ACACB: variants seen among roughly 807,000 people sequenced by gnomAD.
ACACB encodes the protein acetyl-CoA carboxylase 2.
A neutral mutation model predicts 278.8 loss-of-function variants in ACACB; 209 were observed. The ratio of observed to expected loss-of-function variants is 0.75; its 90% confidence interval spans 0.67 to 0.84. ACACB has a LOEUF of 0.84. ACACB is among the 40% of genes least tolerant of loss of function. ACACB has a pLI of 0.00. For synonymous variants in ACACB, 1,174 were observed against 1,285.6 expected, an observed-to-expected ratio of 0.91 and a Z score of 1.86; for missense variants, 2,850 against 3,269.0, an observed-to-expected ratio of 0.87 and a Z score of 3.13.
chr12:109,123,231 G>A (rs7305045), intron 1 of ACACB, among the ~76,000 whole-genome samples: 26,586 of 151,594 alleles, frequency 0.18, 2,436 homozygotes, highest in African/African-American at 0.22. Flanking sequence ...ATTTTACAGT[G>A]GGTGCCCATA....
rs1436610572 is a variant in ACACB, at chr12:109,171,818, G to A, written c.939G>A (p.Met313Ile). 4 of 1,613,774 alleles carry A rather than the reference G, an allele frequency of 2.5e-6. No individual in the cohort carries two copies. Among genetic ancestry groups the A allele is most frequent in the Non-Finnish European group, 3.4e-6 (4 of 1,179,662 alleles). ...DLKANAEYIK[M>I]ADHYVPVPGG... The stretch of plus-strand genomic sequence containing the variant: ...ATTTAATTTCAGAGTACATCAAGAT[G>A]GCGGATCATTACGTCCCCGTCCCAG... The change falls in exon 5 of 53, where the codon ATG becomes ATA. Residue 313 changes from methionine to isoleucine, a missense_variant. Physicochemically the swap from Met to Ile is conservative, Grantham distance 10 (BLOSUM62 1). Coordinates refer to ENST00000338432, the MANE Select transcript of ACACB (RefSeq NM_001093.4).
At chr12:109,117,725 C>G (rs1398704890) in intron 1 of ACACB, among the ~76,000 whole-genome samples, 4 of 152,174 alleles carry the variant, frequency 2.6e-5, no homozygotes, top group African/African-American at 7.2e-5. Flanking sequence ...CCCACTTTGC[C>G]CAGGACCGGG....
chr12:109,216,780 G>GT lies in ACACB; in HGVS notation c.3440-12dup. On this transcript the variant is annotated splice_polypyrimidine_tract_variant and intron_variant, in intron 23 of 52. Coordinates refer to ENST00000338432, the MANE Select transcript of ACACB (RefSeq NM_001093.4). ...AGCCTGAGCTTTACCTCTGTGTGGT[G>GT]TTTTGTCTCCCCCAGCCCACTACGA... The GT allele has an allele frequency of 6.2e-7, 1 of 1,614,114 alleles. No individual in the cohort carries two copies. The highest frequency in any genetic ancestry group is 8.5e-7 in the Non-Finnish European group (1 of 1,179,996).
intron 1 of ACACB, among the ~76,000 whole-genome samples, chr12:109,137,212 T>C (rs547146686): frequency 3.3e-5 from 5 of 152,118 alleles, no homozygotes; most frequent in Non-Finnish European, 7.3e-5. Context: ...AAAAAACCCC[T>C]CTGACCCTGT....
chr12:109,265,448 A>G lies in ACACB; in HGVS notation c.7173A>G (p.Ala2391=). The stretch of plus-strand genomic sequence containing the variant: ...AGTGGCTGGAACAGCACTGGCAGGC[A>G]GGGGATGGCCCGCGCTCCACCATCC... ...VVQWLEQHWQ[A]GDGPRSTIRE... The change falls in exon 52 of 53, where the codon GCA becomes GCG. Residue 2391 remains alanine (A), a synonymous_variant. Coordinates refer to ENST00000338432, the MANE Select transcript of ACACB (RefSeq NM_001093.4). 6.2e-7 allele frequency: 1 copy of G among 1,613,456 alleles called. No individual in the cohort carries two copies. Among genetic ancestry groups the G allele is most frequent in the Non-Finnish European group, 8.5e-7 (1 of 1,179,842 alleles).
intron 1 of ACACB, among the ~76,000 whole-genome samples, chr12:109,123,518 G>A (rs61934261): frequency 4.0e-5 from 6 of 151,286 alleles, no homozygotes; most frequent in Admixed American, 6.6e-5. Flanking sequence ...ATGGAAAAAC[G>A]CCCATCTCTA....
At chr12:109,178,896 C>G (rs2044364268) in intron 9 of ACACB, among the ~76,000 whole-genome samples, 192 bp from the exon 10 acceptor site, 1 of 152,206 alleles carries the variant, frequency 6.6e-6, no homozygotes, top group East Asian at 1.9e-4. Flanking sequence ...CCCCTTTCTC[C>G]TCGTTACTGT....
chr12:109,198,031 G>A (rs1424556945), intron 17 of ACACB, among the ~76,000 whole-genome samples: 1 of 152,028 alleles, frequency 6.6e-6, no homozygotes, highest in African/African-American at 2.4e-5. Context: ...CCAAGTTGCT[G>A]GGACTACGGG....
At position 109,235,191 on chromosome 12, in the gene ACACB, A is replaced by C. The variant is rs143122793; in HGVS notation, c.4348-122A>C. The stretch of plus-strand genomic sequence containing the variant: ...GGAATCAGATCACAGGAGGTCTCTT[A>C]TGATTGACATCTTCCACTTAGCATA... On this transcript the variant is annotated intron_variant, in intron 31 of 52. Coordinates refer to ENST00000338432, the MANE Select transcript of ACACB (RefSeq NM_001093.4). The C allele has an allele frequency of 6.8e-4, 552 of 811,856 alleles. 5 individuals carry two copies. In the African/African-American group the frequency reaches 8.0e-3, roughly 12 times the overall value. 50.3% of individuals were successfully genotyped at this position (811,856 alleles called of 1,614,324 possible).
At chr12:109,265,029 G>A in intron 50 of ACACB, 81 bp from the exon 51 acceptor site, 2 of 1,471,110 alleles carry the variant, frequency 1.4e-6, no homozygotes, top group Non-Finnish European at 1.8e-6. Context: ...GCCCCGGGCA[G>A]CCACTGTCAT....
chr12:109,201,121 A>C (rs1219951599), intron 18 of ACACB, among the ~76,000 whole-genome samples: 1 of 152,268 alleles, frequency 6.6e-6, no homozygotes, highest in Admixed American at 6.5e-5. Flanking sequence ...AAAAGGGCTG[A>C]TGAGCAGATT....
At chr12:109,127,880 C>T (rs2042720217) in intron 1 of ACACB, among the ~76,000 whole-genome samples, 1 of 152,142 alleles carries the variant, frequency 6.6e-6, no homozygotes, top group African/African-American at 2.4e-5. Flanking sequence ...TGTCACGTAT[C>T]TTCTTCAGAT....
At chr12:109,133,849 ATATATATATATATAT>A (rs1181958565) in intron 1 of ACACB, among the ~76,000 whole-genome samples, 1 of 43,980 alleles carries the variant, frequency 2.3e-5, no homozygotes, top group African/African-American at 1.0e-4. Flanking sequence ...ATATATATAT[ATATATATATATATAT>A]TTTTTTTTTT....
chr12:109,232,321 G>C (rs748968988), intron 28 of ACACB, among the ~76,000 whole-genome samples: 55 of 152,118 alleles, frequency 3.6e-4, no homozygotes, highest in Non-Finnish European at 6.2e-4. Flanking sequence ...AGCTGCCTGG[G>C]GCTGGTGGAT....
chr12:109,227,539 A>G (rs1565947118), intron 28 of ACACB, 50 bp downstream of exon 28: 1 of 1,560,220 alleles, frequency 6.4e-7, no homozygotes. Flanking sequence ...GTTCTTCCTG[A>G]CCTCTGTCGT....
At chr12:109,124,687 T>A (rs539909546) in intron 1 of ACACB, among the ~76,000 whole-genome samples, 23 of 152,256 alleles carry the variant, frequency 1.5e-4, no homozygotes, top group Non-Finnish European at 2.6e-4. Context: ...GCTCTTGTTG[T>A]TTTTTGTTGT....
At position 109,222,897 on chromosome 12, in the gene ACACB, C is replaced by T; in HGVS notation, c.3777C>T (p.Cys1259=). Residue 1259 remains cysteine, a synonymous_variant, in exon 26 of 53, where the codon TGC becomes TGT. Transcript: ENST00000338432. ...TTGACATGTACGGCCACCAGTTCTGCCCCGAGAACCTCAAGGTGAGCCCGT... is the reference window on the plus strand; with the variant it reads ...TTGACATGTACGGCCACCAGTTCTGTCCCGAGAACCTCAAGGTGAGCCCGT... ...SAIDMYGHQF[C]PENLKKLILS... is the part of the protein sequence containing the mutation. The T allele has an allele frequency of 6.2e-7, 1 of 1,610,564 alleles. No homozygotes were observed. The highest frequency in any genetic ancestry group is 8.5e-7 in the Non-Finnish European group (1 of 1,178,290).
At chr12:109,123,797 G>C (rs897001577) in intron 1 of ACACB, among the ~76,000 whole-genome samples, 1 of 151,524 alleles carries the variant, frequency 6.6e-6, no homozygotes, top group African/African-American at 2.4e-5. Flanking sequence ...TCCCATCTCA[G>C]CCTCCAGAGT....
intron 34 of ACACB, among the ~76,000 whole-genome samples, chr12:109,239,194 G>A (rs761629445): frequency 3.9e-4 from 60 of 152,170 alleles, no homozygotes; most frequent in Non-Finnish European, 5.1e-4. Flanking sequence ...GATTATAGGC[G>A]TGAGCCACTG....
Sources: allele counts gnomAD v4.1 joint callset (sites outside exome capture counted in the v4.1 genomes callset), GRCh38; gene constraint gnomAD v4.1.1; transcripts MANE v1.5; gene names NCBI Gene and HGNC (gene_info 2026-07-23, HGNC 2026-07-21).